PCDHGB3: variants seen among roughly 807,000 people sequenced by gnomAD.
PCDHGB3 encodes protocadherin gamma subfamily B, 3, also known as protocadherin gamma-B3.
In PCDHGB3, 40 loss-of-function variants were observed where a neutral mutation model predicts 59.2. That is an observed-to-expected ratio of 0.68 (90% confidence interval 0.52 to 0.88). The LOEUF is 0.88. Ranked by LOEUF, PCDHGB3 falls within the 40% of genes least tolerant of loss-of-function variation. The pLI, the probability that PCDHGB3 is intolerant of heterozygous loss-of-function variation, is 0.00. For synonymous variants in PCDHGB3, 581 were observed against 503.6 expected (o/e 1.15, Z -2.06); for missense variants, 1,309 against 1,187.9 (o/e 1.10, Z -1.50).
chr5:141,420,505 T>C (rs923726040), intron 1 of PCDHGB3: 4 of 457,906 alleles, frequency 8.7e-6, no homozygotes, highest in Middle Eastern at 6.0e-4. Context: ...GGTGACATTT[T>C]TATGAAGTAA....
chr5:141,388,474 A>G, intron 1 of PCDHGB3: 1 of 1,613,850 alleles, frequency 6.2e-7, no homozygotes, highest in Non-Finnish European at 8.5e-7. Flanking sequence ...ATGGTATTGA[A>G]GACACCTTTG....
chr5:141,441,289 T>C (rs1350801949), intron 1 of PCDHGB3: 1 of 152,212 alleles, frequency 6.6e-6, no homozygotes, highest in Non-Finnish European at 1.5e-5. Flanking sequence ...CGAGGTCACA[T>C]GTCTGATATA....
In PCDHGB3 at chr5:141,385,275, A is replaced by G. The variant is rs115152670; in HGVS notation, c.2415+12466A>G. The G allele has an allele frequency of 1.9e-3, 3,011 of 1,613,598 alleles. 48 individuals carry two copies. In the African/African-American group the frequency reaches 0.033, roughly 18 times the overall value. On this transcript the variant is annotated intron_variant, in intron 1 of 3. Coordinates refer to ENST00000576222, the MANE Select transcript of PCDHGB3 (RefSeq NM_018924.5). ...GCTGTGAGAAAAATGATTCTTTGCTAACATCCGTAGATTTTCAGGAATGTA... is the reference window on the plus strand; with the variant it reads ...GCTGTGAGAAAAATGATTCTTTGCTGACATCCGTAGATTTTCAGGAATGTA...
chr5:141,395,302 T>C, intron 1 of PCDHGB3: 1 of 1,516,670 alleles, frequency 6.6e-7, no homozygotes, highest in East Asian at 2.3e-5. Flanking sequence ...AATTATGTTT[T>C]GAAAAACATT....
intron 1 of PCDHGB3, chr5:141,428,311 G>A: frequency 3.0e-6 from 2 of 671,726 alleles, no homozygotes; most frequent in Non-Finnish European, 5.3e-6. Context: ...CCTGGTCGTG[G>A]CCTTGGCCTT....
rs373364003 is a variant in PCDHGB3 at position 141,370,593 on chromosome 5, C to A, written c.199C>A (p.Arg67=). Residue 67 remains arginine, a synonymous_variant, in exon 1 of 4, where the codon CGG becomes AGG. Transcript: ENST00000576222. The stretch of plus-strand genomic sequence containing the variant: ...GGGGGATTTACCTACTAGGAACCTG[C>A]GGGTTATTGCAGAGAAGAAATTCTT... The part of the protein sequence containing the change: ...GVGDLPTRNL[R]VIAEKKFFTV... 6.2e-6 allele frequency: 10 copies of A among 1,613,710 alleles called. No homozygotes were observed. Among genetic ancestry groups the A allele is most frequent in the South Asian group, 2.2e-5 (2 of 91,074 alleles).
rs776632782 is a variant in PCDHGB3, at chr5:141,415,681, A to G, written c.2415+42872A>G. 6.3e-5 allele frequency: 95 copies of G among 1,518,728 alleles called. 2 individuals are homozygous for G. In the Middle Eastern group the frequency reaches 2.1e-3, roughly 34 times the overall value. 94.1% of individuals were successfully genotyped at this position (1,518,728 alleles called of 1,614,324 possible). A position where few individuals can be genotyped will look rare whatever the true frequency, so the allele number is the denominator to read the frequency against. Reference sequence around the variant, plus strand: ...TGGTTTTTACTTTGAAGTTTGCGGCATGATGGTGGAAAGTGTAAATGCTAA... The same window carrying G: ...TGGTTTTTACTTTGAAGTTTGCGGCGTGATGGTGGAAAGTGTAAATGCTAA... On this transcript the variant is annotated intron_variant, in intron 1 of 3. Transcript: ENST00000576222.
chr5:141,475,542 G>A (rs1182059354), intron 1 of PCDHGB3, among the ~76,000 whole-genome samples: 1 of 152,174 alleles, frequency 6.6e-6, no homozygotes, highest in East Asian at 1.9e-4. Flanking sequence ...TTACAAGTAG[G>A]GTCCGGCTAA....
In PCDHGB3 at chr5:141,448,136, A is replaced by G. The variant is rs2098567363; in HGVS notation, c.2416-46671A>G. Among the ~76,000 whole-genome samples, 5 of 152,036 alleles carry G rather than the reference A, an allele frequency of 3.3e-5. No individual in the cohort carries two copies. The South Asian group carries it at 1.0e-3, about 32-fold the overall frequency. On this transcript the variant is annotated intron_variant, in intron 1 of 3. Transcript: ENST00000576222. ...AAAATTAGCCTCCCCCACCCTCACT[A>G]TACCTCAGACTCACCCCTGAAAGAT...
At chr5:141,403,715 G>A in intron 1 of PCDHGB3, 3 of 1,613,898 alleles carry the variant, frequency 1.9e-6, no homozygotes, top group Non-Finnish European at 2.5e-6. Flanking sequence ...CCTTGAGAAC[G>A]TGCCCCCAGG....
At position 141,486,250 on chromosome 5, in the gene PCDHGB3, C is replaced by T; in HGVS notation, c.2416-8557C>T. 1 of 1,614,140 alleles carries T rather than the reference C, an allele frequency of 6.2e-7. No homozygotes were observed. The highest frequency in any genetic ancestry group is 2.2e-5 in the East Asian group (1 of 44,872). On this transcript the variant is annotated intron_variant, in intron 1 of 3. Coordinates refer to ENST00000576222, the MANE Select transcript of PCDHGB3 (RefSeq NM_018924.5). The surrounding 1 kb of genome is among the most constrained non-coding windows in gnomAD (Gnocchi z 5.0). ...CAGTGACCTCAGAGCTTGGAACCCT[C>T]CCCGAGAGTGCAGAACCTGGCACTG...
At chr5:141,415,879 T>C (rs1002596454) in intron 1 of PCDHGB3, 1 of 1,003,176 alleles carries the variant, frequency 1.0e-6, no homozygotes, top group African/African-American at 1.7e-5. Context: ...TTGAGTACAA[T>C]ATTGACAATT....
In PCDHGB3 at chr5:141,511,925, G is replaced by C. The variant is rs2099884008; in HGVS notation, c.*752G>C. 1 of 155,320 alleles carries C rather than the reference G, an allele frequency of 6.4e-6. No homozygotes were observed. Among genetic ancestry groups the C allele is most frequent in the Admixed American group, 6.3e-5 (1 of 15,924 alleles). 9.6% of individuals were successfully genotyped at this position (155,320 alleles called of 1,614,324 possible). A position where few individuals can be genotyped will look rare whatever the true frequency, so the allele number is the denominator to read the frequency against. ...CCTCAAACAAGAGACTCCACTGCAT[G>C]TTCCAAGACAGTATGGGGTGGTAAG... On this transcript the variant is annotated 3_prime_UTR_variant, in exon 4 of 4. Coordinates refer to ENST00000576222, the MANE Select transcript of PCDHGB3 (RefSeq NM_018924.5).
At chr5:141,414,155 A>G in intron 1 of PCDHGB3, 1 of 1,601,706 alleles carries the variant, frequency 6.2e-7, no homozygotes, top group Non-Finnish European at 8.5e-7. Context: ...CAAGCAGAAG[A>G]TGGAGGAGCA....
In PCDHGB3 at chr5:141,408,857, G is replaced by T. The variant is rs372861749; in HGVS notation, c.2415+36048G>T. 1.9e-5 allele frequency: 30 copies of T among 1,613,424 alleles called. No homozygotes were observed. Among genetic ancestry groups the T allele is most frequent in the Non-Finnish European group, 2.5e-5 (29 of 1,179,810 alleles). ...GATATTGACTGCCTTGGACGGAGGG[G>T]ACCCACCAAGAAGTGCCACCGCTCA... On this transcript the variant is annotated intron_variant, in intron 1 of 3. Coordinates refer to ENST00000576222, the MANE Select transcript of PCDHGB3 (RefSeq NM_018924.5).
rs768938171 is a variant in PCDHGB3 at position 141,487,276 on chromosome 5, C to T, written c.2416-7531C>T. ...TGGCTGTGTCCCTAGTGGCAATTTG[C>T]TTTGTCTCCTTTGGCTCATTCGTGG... On this transcript the variant is annotated intron_variant, in intron 1 of 3. Transcript: ENST00000576222. The surrounding 1 kb of genome is among the most constrained non-coding windows in gnomAD (Gnocchi z 5.0). The T allele has an allele frequency of 2.5e-6, 4 of 1,614,158 alleles. No homozygotes were observed. The East Asian group carries it at 8.9e-5, about 36-fold the overall frequency.
At chr5:141,398,942 G>A (rs748252181) in intron 1 of PCDHGB3, 2 of 1,613,884 alleles carry the variant, frequency 1.2e-6, no homozygotes, top group South Asian at 1.1e-5. Context: ...CAAGACGAGG[G>A]CATCAACTCA....
chr5:141,389,204 T>G, intron 1 of PCDHGB3: 6 of 1,613,894 alleles, frequency 3.7e-6, no homozygotes, highest in Non-Finnish European at 5.1e-6. Context: ...CCCTGCACAT[T>G]GGTGATGTAA....
rs1434955829 is a variant in PCDHGB3, at chr5:141,431,361, A to G, written c.2415+58552A>G. 3 of 1,614,002 alleles carry G rather than the reference A, an allele frequency of 1.9e-6. No homozygotes were observed. The highest frequency in any genetic ancestry group is 2.5e-6 in the Non-Finnish European group (3 of 1,180,034). On this transcript the variant is annotated intron_variant, in intron 1 of 3. Transcript: ENST00000576222. The surrounding 1 kb of genome is among the most constrained non-coding windows in gnomAD (Gnocchi z 4.8). ...GAATTGGTGCTGAAACGCGCCCTGG[A>G]CCGCGAAGAAAAGGCTGCTCACCAC...
Sources: gnomAD v4.1 joint callset for allele counts (sites outside exome capture counted in the v4.1 genomes callset) on GRCh38, gnomAD v4.1.1 for gene constraint, Gnocchi (gnomAD v3.1) non-coding constraint, MANE v1.5 for transcripts, NCBI Gene and HGNC (gene_info 2026-07-23, HGNC 2026-07-21) for gene names.